The following SEMA3D variants were observed in gnomAD, a reference collection of about 807,000 sequenced individuals.
The protein encoded by SEMA3D is semaphorin-3D.
A neutral mutation model predicts 100.1 loss-of-function variants in SEMA3D; 84 were observed. That is an observed-to-expected ratio of 0.84 (90% CI 0.70 to 1.01). The LOEUF (loss-of-function observed/expected upper bound fraction) is 1.01. Ranked by LOEUF, SEMA3D falls within the 50% of genes least tolerant of loss-of-function variation. The probability of loss-of-function intolerance (pLI) is 0.00; values close to 1 mark genes in which losing one functional copy is unlikely to be tolerated. For missense variants in SEMA3D, 875 were observed against 934.1 expected, an observed-to-expected ratio of 0.94 and a Z score of 0.82; for synonymous variants, 312 against 320.7, an observed-to-expected ratio of 0.97 and a Z score of 0.29.
chr7:85,246,777 A>T, the SEMA3D span, among the ~76,000 whole-genome samples: 1 of 152,040 alleles, frequency 6.6e-6, no homozygotes, highest in East Asian at 1.9e-4. Flanking sequence ...ACCTAAAGAA[A>T]TTCTTTTATT....
chr7:85,216,560 C>T, the SEMA3D span, among the ~76,000 whole-genome samples: 17 of 151,652 alleles, frequency 1.1e-4, no homozygotes, highest in East Asian at 3.3e-3. Context: ...TTTTTAAGTG[C>T]AAGATGGCAA....
chr7:85,175,612 A>C (rs936536895), intron 1 of SEMA3D, among the ~76,000 whole-genome samples: 21 of 152,170 alleles, frequency 1.4e-4, no homozygotes, highest in African/African-American at 5.1e-4. Context: ...CAGGTGATAG[A>C]AGTCAATTTC....
Position 85,160,048 on chromosome 7 carries a change from AT to A in SEMA3D, c.-172-6310del, listed in dbSNP as rs1248347479. ...GGATTAAAAACTGAACTGTTATTTT[AT>A]TGAACTGCAAACAGTAATACTGAAA... On this transcript the variant is annotated intron_variant, in intron 1 of 18. Transcript: ENST00000284136. The A allele has an allele frequency of 8.2e-5, 77 of 940,312 alleles. No individual in the cohort carries two copies. In the African/African-American group the frequency reaches 1.1e-3, roughly 13 times the overall value. 58.2% of individuals were successfully genotyped at this position (940,312 alleles called of 1,614,324 possible). A position where few individuals can be genotyped will look rare whatever the true frequency, so the allele number is the denominator to read the frequency against.
the SEMA3D span, among the ~76,000 whole-genome samples, chr7:85,225,611 CTATCT>C: frequency 2.6e-5 from 4 of 152,230 alleles, no homozygotes; most frequent in South Asian, 8.3e-4. Context: ...GGTACATATC[CTATCT>C]TAATTGACAG....
rs1791818745 is a variant in SEMA3D, at chr7:85,073,003, G to T, written c.454C>A (p.His152Asn). 6.2e-6 allele frequency: 10 copies of T among 1,610,402 alleles called. No homozygotes were observed. Among genetic ancestry groups the T allele is most frequent in the African/African-American group, 1.3e-5 (1 of 74,822 alleles). Residue 152 changes from histidine (H) to asparagine (N), a missense_variant, in exon 6 of 19, where the codon CAT (histidine) becomes AAT (asparagine). Transcript: ENST00000284136. Reference protein sequence around the residue: ...HIYVCGTGAFHPICGYIDLGV... With the variant: ...HIYVCGTGAFNPICGYIDLGV... Reference sequence around the variant, plus strand: ...AGATCAATATACCCACATATTGGATGAAATGCTCCAGTTCCACACACATAT... The same window carrying T: ...AGATCAATATACCCACATATTGGATTAAATGCTCCAGTTCCACACACATAT...
chr7:85,018,405 G>A (rs1485633117), intron 14 of SEMA3D, 112 bp from the exon 15 acceptor site: 2 of 683,662 alleles, frequency 2.9e-6, no homozygotes, highest in Non-Finnish European at 5.2e-6. Flanking sequence ...TCAAGTCTCT[G>A]TTACATAAGG....
intron 1 of SEMA3D, among the ~76,000 whole-genome samples, chr7:85,171,522 G>C (rs1791081449): frequency 6.6e-6 from 1 of 151,832 alleles, no homozygotes; most frequent in African/African-American, 2.4e-5. Context: ...CTGGGCTATG[G>C]ACCTGGAACA....
At chr7:85,003,976 T>A (rs1789725476) in intron 18 of SEMA3D, among the ~76,000 whole-genome samples, 1 of 152,142 alleles carries the variant, frequency 6.6e-6, no homozygotes, top group South Asian at 2.1e-4. Context: ...TTTATTTTAC[T>A]TCTAAGATTT....
chr7:85,229,316 A>T, the SEMA3D span, among the ~76,000 whole-genome samples: 1 of 152,018 alleles, frequency 6.6e-6, no homozygotes, highest in Non-Finnish European at 1.5e-5. Context: ...AATATAATTG[A>T]AAGATTACAT....
intron 12 of SEMA3D, chr7:85,029,591 G>C (rs565447894): frequency 7.7e-5 from 38 of 492,738 alleles, no homozygotes; most frequent in Middle Eastern, 1.3e-3. Context: ...AACTGGACTA[G>C]AGTGCAGAAG....
chr7:85,115,823 G>A (rs1373678446), intron 3 of SEMA3D, among the ~76,000 whole-genome samples: 3 of 152,040 alleles, frequency 2.0e-5, no homozygotes, highest in African/African-American at 4.8e-5. Flanking sequence ...TTTTTAAACC[G>A]TTGATTAGTT....
chr7:85,111,564 C>G (rs1789095107), intron 3 of SEMA3D, among the ~76,000 whole-genome samples: 1 of 152,044 alleles, frequency 6.6e-6, no homozygotes, highest in Non-Finnish European at 1.5e-5. Flanking sequence ...TGCCACAGAC[C>G]ATTAATTCTC....
At chr7:85,099,708 C>T (rs576423525) in intron 3 of SEMA3D, among the ~76,000 whole-genome samples, 1 of 151,848 alleles carries the variant, frequency 6.6e-6, no homozygotes, top group South Asian at 2.1e-4. Context: ...TCAGTGTTTT[C>T]GATTTTGGCC....
intron 2 of SEMA3D, among the ~76,000 whole-genome samples, chr7:85,149,706 A>T (rs1463886521): frequency 6.6e-6 from 1 of 152,122 alleles, no homozygotes; most frequent in Non-Finnish European, 1.5e-5. Flanking sequence ...CACTTCCACC[A>T]TGTCAGAGGC....
intron 3 of SEMA3D, among the ~76,000 whole-genome samples, chr7:85,109,718 C>G (rs1017397387): frequency 6.6e-6 from 1 of 151,864 alleles, no homozygotes; most frequent in Non-Finnish European, 1.5e-5. Flanking sequence ...GACCTAAGGA[C>G]ATTATTTTTA....
chr7:85,016,517 A>G (rs1377085716), intron 15 of SEMA3D, among the ~76,000 whole-genome samples: 1 of 151,362 alleles, frequency 6.6e-6, no homozygotes, highest in East Asian at 2.0e-4. Flanking sequence ...ATTCTCTCAT[A>G]CAGAATTTTC....
intron 2 of SEMA3D, chr7:85,140,065 T>G: frequency 1.1e-5 from 5 of 448,086 alleles, no homozygotes; most frequent in Non-Finnish European, 1.2e-5. Context: ...ATGCTACTAT[T>G]AATTACATTA....
intron 5 of SEMA3D, among the ~76,000 whole-genome samples, chr7:85,075,999 C>A (rs185950409): frequency 6.6e-6 from 1 of 152,264 alleles, no homozygotes; most frequent in Non-Finnish European, 1.5e-5. Flanking sequence ...CACTTAGTGA[C>A]CTGCAAGGCT....
the SEMA3D span, among the ~76,000 whole-genome samples, chr7:85,219,876 A>G: frequency 6.6e-6 from 1 of 152,096 alleles, no homozygotes; most frequent in Non-Finnish European, 1.5e-5. Context: ...TGAGTTATAG[A>G]TTATTCACAC....
Sources: allele counts gnomAD v4.1 joint callset (sites outside exome capture counted in the v4.1 genomes callset), GRCh38; gene constraint gnomAD v4.1.1; transcripts MANE v1.5; gene names NCBI Gene and HGNC (gene_info 2026-07-23, HGNC 2026-07-21).